The following CSMD3 variants were observed in gnomAD, a reference collection of about 807,000 sequenced individuals.
The protein encoded by CSMD3 is CUB and sushi domain-containing protein 3.
Under a neutral mutation model 435.2 loss-of-function variants are expected in CSMD3, and 177 were observed. The observed-to-expected ratio is 0.41, with a 90% CI of 0.36 to 0.46. CSMD3 has a LOEUF of 0.46. CSMD3 is among the 20% of genes least tolerant of loss of function. CSMD3 has a pLI of 0.34. For missense variants in CSMD3, 4,265 were observed against 4,504.6 expected (o/e 0.95, Z 1.52); for synonymous variants, 1,656 against 1,520.5 (o/e 1.09, Z -2.07).
chr8:112,292,589 C>T lies in CSMD3; in HGVS notation c.8736G>A (p.Lys2912=), dbSNP rs1258088178. ...ACTGTCTGTTGGCCTGGCACTGTGCCTTTGTTGGCCCTTGCATAAGATACC... is the reference window on the plus strand; with the variant it reads ...ACTGTCTGTTGGCCTGGCACTGTGCTTTTGTTGGCCCTTGCATAAGATACC... ...NIGYLMQGPT[K]AQCQANRQWS... The change falls in exon 55 of 71, where the codon AAG becomes AAA. Residue 2912 remains lysine, a synonymous_variant. Transcript: ENST00000297405. 1.2e-6 allele frequency: 2 copies of T among 1,613,780 alleles called. No individual in the cohort carries two copies. The highest frequency in any genetic ancestry group is 1.1e-5 in the South Asian group (1 of 91,076).
At chr8:113,212,586 T>G (rs1212349779) in intron 3 of CSMD3, among the ~76,000 whole-genome samples, 1 of 152,034 alleles carries the variant, frequency 6.6e-6, no homozygotes, top group Non-Finnish European at 1.5e-5. Context: ...ACGTCCTTTG[T>G]AGGGACATGG....
intron 67 of CSMD3, among the ~76,000 whole-genome samples, chr8:112,235,733 G>A (rs577016906): frequency 6.6e-6 from 1 of 152,224 alleles, no homozygotes; most frequent in African/African-American, 2.4e-5. Context: ...AAAAGATAAT[G>A]AGACATAGGT....
intron 1 of CSMD3, among the ~76,000 whole-genome samples, chr8:113,323,526 G>A (rs1451868204): frequency 1.3e-5 from 2 of 152,132 alleles, no homozygotes; most frequent in Non-Finnish European, 2.9e-5. Flanking sequence ...GACCCTAGCA[G>A]ATATTTTGCC....
chr8:113,232,047 G>A (rs144405547), intron 3 of CSMD3, among the ~76,000 whole-genome samples: 30 of 151,122 alleles, frequency 2.0e-4, no homozygotes, highest in African/African-American at 5.8e-4. Flanking sequence ...TACTTGCATC[G>A]CAATTCACAA....
At chr8:113,166,683 G>T (rs1308465140) in intron 4 of CSMD3, among the ~76,000 whole-genome samples, 1 of 152,022 alleles carries the variant, frequency 6.6e-6, no homozygotes, top group Non-Finnish European at 1.5e-5. Context: ...AATTTTTAGG[G>T]TAATGTGAGG....
At chr8:112,461,060 C>T (rs1586400236) in intron 32 of CSMD3, among the ~76,000 whole-genome samples, 3 of 152,084 alleles carry the variant, frequency 2.0e-5, no homozygotes, top group Admixed American at 6.6e-5. Flanking sequence ...TTTGTTAAGT[C>T]TAAAGTAGGT....
intron 61 of CSMD3, among the ~76,000 whole-genome samples, chr8:112,260,279 G>A (rs375153189): frequency 2.0e-5 from 3 of 151,996 alleles, no homozygotes; most frequent in Admixed American, 1.3e-4. Flanking sequence ...ATTTTCTAGC[G>A]GTATGACCTT....
At chr8:112,909,855 C>T (rs2082359031) in intron 10 of CSMD3, among the ~76,000 whole-genome samples, 1 of 151,730 alleles carries the variant, frequency 6.6e-6, no homozygotes, top group African/African-American at 2.4e-5. Context: ...ATTTATATTA[C>T]TTTCAGTATC....
chr8:112,792,968 A>T (rs945771475), intron 13 of CSMD3, among the ~76,000 whole-genome samples: 3 of 151,768 alleles, frequency 2.0e-5, no homozygotes, highest in African/African-American at 7.3e-5. Context: ...AGTGATGAGA[A>T]ACAATTGTTT....
chr8:112,473,881 CT>C lies in CSMD3; in HGVS notation c.5279-1175del, dbSNP rs1273260997. Among the ~76,000 whole-genome samples, 9 of 152,020 alleles carry C rather than the reference CT, an allele frequency of 5.9e-5. 1 individual carries two copies. Among genetic ancestry groups the C allele is most frequent in the African/African-American group, 2.2e-4 (9 of 41,478 alleles). ...TGCAGAGCACACTGTCTGGTGTGCTCTTCTACACTGTAGGTTTTTTAGGGCG... is the reference window on the plus strand; with the variant it reads ...TGCAGAGCACACTGTCTGGTGTGCTCTCTACACTGTAGGTTTTTTAGGGCG... On this transcript the variant is annotated intron_variant, in intron 31 of 70. Transcript: ENST00000297405.
At chr8:112,382,754 C>T (rs755271098) in intron 37 of CSMD3, among the ~76,000 whole-genome samples, 73 of 152,272 alleles carry the variant, frequency 4.8e-4, no homozygotes, top group East Asian at 1.4e-3. Flanking sequence ...CTTTGGGAGG[C>T]CAAGGCAGGT....
chr8:112,617,435 A>T (rs1454103605), intron 22 of CSMD3, among the ~76,000 whole-genome samples: 1 of 152,182 alleles, frequency 6.6e-6, no homozygotes, highest in Non-Finnish European at 1.5e-5. Flanking sequence ...TTTGGGGTAG[A>T]TTATGTGTAA....
chr8:112,720,330 T>G (rs1425894451), intron 13 of CSMD3, among the ~76,000 whole-genome samples: 2 of 149,518 alleles, frequency 1.3e-5, no homozygotes, highest in South Asian at 4.2e-4. Flanking sequence ...CTTTTCTTTT[T>G]TTTTCCCCTG....
chr8:112,476,202 C>T (rs930500812), intron 31 of CSMD3, among the ~76,000 whole-genome samples: 1 of 151,974 alleles, frequency 6.6e-6, no homozygotes, highest in East Asian at 1.9e-4. Flanking sequence ...TGCACTACCA[C>T]GCCAAGCTAA....
chr8:113,065,560 T>G (rs2088817059), intron 5 of CSMD3, among the ~76,000 whole-genome samples: 1 of 152,094 alleles, frequency 6.6e-6, no homozygotes, highest in Non-Finnish European at 1.5e-5. Flanking sequence ...CTAATTTTTT[T>G]TGTATTTTTA....
intron 4 of CSMD3, among the ~76,000 whole-genome samples, chr8:113,105,351 G>C (rs979537744): frequency 1.3e-5 from 2 of 152,090 alleles, no homozygotes; most frequent in African/African-American, 2.4e-5. Context: ...ATTACAAGTA[G>C]AGCATAGTGT....
chr8:113,319,181 T>C (rs2093931960), intron 1 of CSMD3, among the ~76,000 whole-genome samples: 1 of 152,046 alleles, frequency 6.6e-6, no homozygotes, highest in South Asian at 2.1e-4. Flanking sequence ...CCGCCAATAG[T>C]GTACTAGGGT....
Position 112,884,373 on chromosome 8 carries a change from G to C in CSMD3, c.1634-25107C>G, listed in dbSNP as rs556056051. On this transcript the variant is annotated intron_variant, in intron 10 of 70. Coordinates refer to ENST00000297405, the MANE Select transcript of CSMD3 (RefSeq NM_198123.2). ...GACTCTTAGCAGACTAAAAATACTA[G>C]ATAGCCTTGTTTGTGTTTATGCAGA... 4.0e-5 allele frequency among the ~76,000 whole-genome samples: 6 copies of C among 151,810 alleles called. No homozygotes were observed. In the South Asian group the frequency reaches 1.2e-3, roughly 32 times the overall value.
At chr8:112,588,068 TG>T (rs1422687582) in intron 22 of CSMD3, among the ~76,000 whole-genome samples, 1 of 151,848 alleles carries the variant, frequency 6.6e-6, no homozygotes, top group Non-Finnish European at 1.5e-5. Flanking sequence ...TTCTTAAATA[TG>T]TTTCAGAAAT....
Sources: gnomAD v4.1 joint callset for allele counts (sites outside exome capture counted in the v4.1 genomes callset) on GRCh38, gnomAD v4.1.1 for gene constraint, MANE v1.5 for transcripts, NCBI Gene and HGNC (gene_info 2026-07-23, HGNC 2026-07-21) for gene names.